The following KIAA0825 variants were observed in gnomAD, a reference collection of about 807,000 sequenced individuals.
KIAA0825 encodes the protein KIAA0825, also known as uncharacterized protein KIAA0825.
Under a neutral mutation model 147.6 loss-of-function variants are expected in KIAA0825, and 119 were observed. That is an observed-to-expected ratio of 0.81 (90% CI 0.69 to 0.94). The LOEUF is 0.94. Ranked by LOEUF, KIAA0825 falls within the 40% of genes least tolerant of loss-of-function variation. The pLI, the probability that KIAA0825 is intolerant of heterozygous loss-of-function variation, is 0.00. For synonymous variants in KIAA0825, 470 were observed against 518.1 expected, an observed-to-expected ratio of 0.91 and a Z score of 1.26; for missense variants, 1,381 against 1,472.7, an observed-to-expected ratio of 0.94 and a Z score of 1.02.
At chr5:94,269,531 T>C (rs914642608) in intron 20 of KIAA0825, among the ~76,000 whole-genome samples, 5 of 151,916 alleles carry the variant, frequency 3.3e-5, no homozygotes, top group Non-Finnish European at 7.4e-5. Context: ...ATAAGAAACA[T>C]ATGGAAATTA....
At position 94,250,552 on chromosome 5, in the gene KIAA0825, A is replaced by G. The variant is rs1004207764; in HGVS notation, c.3711-96428T>C. 2.0e-5 allele frequency among the ~76,000 whole-genome samples: 3 copies of G among 152,144 alleles called. No homozygotes were observed. The East Asian group carries it at 5.8e-4, about 29-fold the overall frequency. The stretch of plus-strand genomic sequence containing the variant: ...TGACACCCTGGCAGAAATTGCTATC[A>G]TGAAATAACCTTGGTTGAATTAACC... On this transcript the variant is annotated intron_variant, in intron 20 of 20. Transcript: ENST00000682413.
intron 5 of KIAA0825, 192 bp downstream of exon 5, chr5:94,520,056 A>C (rs979101900): frequency 2.3e-5 from 26 of 1,140,064 alleles, no homozygotes; most frequent in Non-Finnish European, 2.9e-5. Flanking sequence ...CAATTTAATA[A>C]GAAAGAAAAT....
chr5:94,198,619 G>A (rs1241011159), intron 20 of KIAA0825, among the ~76,000 whole-genome samples: 1 of 152,046 alleles, frequency 6.6e-6, no homozygotes, highest in Non-Finnish European at 1.5e-5. Flanking sequence ...GCAAGGGGAT[G>A]GAGAGCATTA....
chr5:94,612,635 C>G (rs1329345370), intron 1 of KIAA0825, among the ~76,000 whole-genome samples: 2 of 152,182 alleles, frequency 1.3e-5, no homozygotes, highest in Admixed American at 1.3e-4. Flanking sequence ...CTACACCAGG[C>G]ACCATATTAA....
At chr5:94,386,726 G>A (rs568376656) in intron 18 of KIAA0825, among the ~76,000 whole-genome samples, 2 of 152,144 alleles carry the variant, frequency 1.3e-5, no homozygotes, top group African/African-American at 2.4e-5. Flanking sequence ...ATATTAACGT[G>A]TCTGGTTACC....
At chr5:94,580,513 G>A (rs947022906) in intron 2 of KIAA0825, among the ~76,000 whole-genome samples, 150 of 152,204 alleles carry the variant, frequency 9.9e-4, no homozygotes, top group African/African-American at 3.5e-3. Flanking sequence ...CTTCTCTCCC[G>A]TTTCTCTTTC....
Position 94,205,268 on chromosome 5 carries a change from C to CATATATATATATATATATATAT in KIAA0825, c.3711-51166_3711-51145dup, listed in dbSNP as rs5869623. On this transcript the variant is annotated intron_variant, in intron 20 of 20. Coordinates refer to ENST00000682413, the MANE Select transcript of KIAA0825 (RefSeq NM_001145678.3). ...ACTATGATTTCTGTGACTATTTAAT[C>CATATATATATATATATATATAT]ATATATATATATATATATATATATA... Among the ~76,000 whole-genome samples the CATATATATATATATATATATAT allele has an allele frequency of 3.1e-3, 278 of 90,072 alleles. 2 individuals carry two copies. The highest frequency in any genetic ancestry group is 6.3e-3 in the South Asian group (16 of 2,548). The allele number at this position is 90,072 out of a possible 152,430, so 59.1% of individuals were successfully genotyped here. A position where few individuals can be genotyped will look rare whatever the true frequency, so the allele number is the denominator to read the frequency against.
chr5:94,471,840 A>C, intron 8 of KIAA0825, 109 bp from the exon 9 acceptor site: 1 of 955,216 alleles, frequency 1.0e-6, no homozygotes, highest in Non-Finnish European at 1.5e-6. Flanking sequence ...TCAAACATAA[A>C]TATAATGACG....
At chr5:94,468,325 C>G (rs565445416) in intron 10 of KIAA0825, among the ~76,000 whole-genome samples, 1 of 152,276 alleles carries the variant, frequency 6.6e-6, no homozygotes, top group African/African-American at 2.4e-5. Flanking sequence ...CGGAAAACAT[C>G]ATATAAAATT....
intron 1 of KIAA0825, among the ~76,000 whole-genome samples, chr5:94,598,494 G>C (rs564270931): frequency 6.6e-5 from 10 of 152,094 alleles, no homozygotes; most frequent in African/African-American, 2.4e-4. Flanking sequence ...CTGTTTTACA[G>C]GGAAGCTGTT....
At chr5:94,402,587 G>T (rs1359495774) in intron 16 of KIAA0825, among the ~76,000 whole-genome samples, 1 of 151,832 alleles carries the variant, frequency 6.6e-6, no homozygotes, top group Non-Finnish European at 1.5e-5. Context: ...CAATATTTAG[G>T]ATCTCCATGG....
chr5:94,232,575 T>C (rs1774781508), intron 20 of KIAA0825, among the ~76,000 whole-genome samples: 1 of 152,152 alleles, frequency 6.6e-6, no homozygotes, highest in Admixed American at 6.5e-5. Context: ...TAGATTCAAC[T>C]GTTGTTTTTC....
At chr5:94,272,408 G>C (rs1777033911) in intron 20 of KIAA0825, among the ~76,000 whole-genome samples, 1 of 152,116 alleles carries the variant, frequency 6.6e-6, no homozygotes, top group African/African-American at 2.4e-5. Context: ...CATTTACCCT[G>C]ATGTGACTGT....
intron 20 of KIAA0825, among the ~76,000 whole-genome samples, chr5:94,366,580 A>C (rs1745885765): frequency 6.6e-6 from 1 of 152,196 alleles, no homozygotes; most frequent in South Asian, 2.1e-4. Context: ...AGAAATAATA[A>C]TAACTCATAT....
At chr5:94,571,952 A>G (rs991625209) in intron 2 of KIAA0825, among the ~76,000 whole-genome samples, 7 of 152,178 alleles carry the variant, frequency 4.6e-5, no homozygotes, top group African/African-American at 1.7e-4. Flanking sequence ...GGCCGGGCAC[A>G]ATGGCATGTG....
At chr5:94,505,559 GCAACAC>G (rs1765648095) in intron 5 of KIAA0825, among the ~76,000 whole-genome samples, 1 of 151,884 alleles carries the variant, frequency 6.6e-6, no homozygotes, top group South Asian at 2.1e-4. Flanking sequence ...AGAAAACTAA[GCAACAC>G]TCATTTGATG....
chr5:94,327,671 T>C (rs987269153), intron 20 of KIAA0825, among the ~76,000 whole-genome samples: 3 of 152,176 alleles, frequency 2.0e-5, no homozygotes, highest in African/African-American at 7.2e-5. Flanking sequence ...TATATTATTT[T>C]GGGTATAAAC....
chr5:94,223,060 T>G (rs1361000219), intron 20 of KIAA0825, among the ~76,000 whole-genome samples: 1 of 152,272 alleles, frequency 6.6e-6, no homozygotes, highest in South Asian at 2.1e-4. Context: ...TCCTACATAA[T>G]TACAACTTTT....
At chr5:94,511,272 T>A (rs1370921517) in intron 5 of KIAA0825, among the ~76,000 whole-genome samples, 4 of 152,176 alleles carry the variant, frequency 2.6e-5, no homozygotes, top group Admixed American at 2.6e-4. Flanking sequence ...CTGACTATGG[T>A]ATTTTTGTTA....
Sources: gnomAD v4.1 joint callset for allele counts (sites outside exome capture counted in the v4.1 genomes callset) on GRCh38, gnomAD v4.1.1 for gene constraint, MANE v1.5 for transcripts, NCBI Gene and HGNC (gene_info 2026-07-23, HGNC 2026-07-21) for gene names.